Variants in RHOH observed in about 807,000 individuals in gnomAD.
The protein encoded by RHOH is rho-related GTP-binding protein RhoH.
RHOH carries 6 observed loss-of-function variants against 13.8 expected under a neutral mutation model. The ratio of observed to expected loss-of-function variants is 0.44; its 90% CI spans 0.24 to 0.86. The LOEUF is 0.86. Ranked by LOEUF, RHOH falls within the 40% of genes least tolerant of loss-of-function variation. The pLI is 0.24. For missense variants in RHOH, 147 were observed against 244.5 expected (o/e 0.60, Z 2.66); for synonymous variants, 117 against 103.0 (o/e 1.14, Z -0.82).
At chr4:40,208,486 C>G (rs1724897059) in intron 1 of RHOH, among the ~76,000 whole-genome samples, 1 of 152,052 alleles carries the variant, frequency 6.6e-6, no homozygotes, top group South Asian at 2.1e-4. Context: ...AAATATTGGC[C>G]AAAGTACAAT....
chr4:40,196,991 A>T (rs1448376271), upstream of RHOH: 1 of 151,684 alleles, frequency 6.6e-6, no homozygotes, highest in Admixed American at 6.6e-5. Context: ...AGCCGGCTAC[A>T]GGAAATTGAC....
Position 40,244,338 on chromosome 4 carries a change from C to T in RHOH, c.*376C>T, listed in dbSNP as rs776722623. ...TGCTTTTGTATATATTTAGTTTTCA[C>T]ACTTGGAAAATCTTTTCCTACATCC... On this transcript the variant is annotated 3_prime_UTR_variant, in exon 3 of 3. Coordinates refer to ENST00000381799, the MANE Select transcript of RHOH (RefSeq NM_004310.5). 12 of 243,708 alleles carry T rather than the reference C, an allele frequency of 4.9e-5. No homozygotes were observed. The highest frequency in any genetic ancestry group is 9.5e-5 in the Non-Finnish European group (11 of 116,066). The allele number at this position is 243,708 out of a possible 1,614,324, so 15.1% of individuals were successfully genotyped here.
Position 40,242,945 on chromosome 4 carries a change from T to TTGTG in RHOH, c.-210+159_-210+162dup, listed in dbSNP as rs58807335. ...CTTCTGCTTCTTGACCGGGAGGCATTTGTGTGTGTGTGTGTGTGTGTGTGT... is the reference window on the plus strand; with the variant it reads ...CTTCTGCTTCTTGACCGGGAGGCATTTGTGTGTGTGTGTGTGTGTGTGTGTGTGT... On this transcript the variant is annotated intron_variant, in intron 2 of 2. Transcript: ENST00000381799. 618 of 143,686 alleles carry TTGTG rather than the reference T, an allele frequency of 4.3e-3. 1 individual carries two copies. Among genetic ancestry groups the TTGTG allele is most frequent in the Middle Eastern group, 6.5e-3 (2 of 310 alleles). The allele number at this position is 143,686 out of a possible 1,614,324, so 8.9% of individuals were successfully genotyped here. A position where few individuals can be genotyped will look rare whatever the true frequency, so the allele number is the denominator to read the frequency against.
intron 1 of RHOH, among the ~76,000 whole-genome samples, chr4:40,209,989 C>CT (rs2109396003): frequency 6.6e-6 from 1 of 152,204 alleles, no homozygotes; most frequent in East Asian, 1.9e-4. Flanking sequence ...TATCATATAA[C>CT]TCTTTGAAAA....
At chr4:40,202,665 G>A (rs555720310) in intron 1 of RHOH, among the ~76,000 whole-genome samples, 1 of 152,276 alleles carries the variant, frequency 6.6e-6, no homozygotes, top group African/African-American at 2.4e-5. Flanking sequence ...GGATGCTAAA[G>A]GGGTTTCTTT....
upstream of RHOH, among the ~76,000 whole-genome samples, chr4:40,191,778 C>T (rs1360071452): frequency 6.6e-6 from 1 of 151,988 alleles, no homozygotes; most frequent in African/African-American, 2.4e-5. Context: ...ACCGAATATT[C>T]ACTGAAACAA....
chr4:40,241,784 G>A (rs1729278590), intron 1 of RHOH, among the ~76,000 whole-genome samples: 1 of 152,172 alleles, frequency 6.6e-6, no homozygotes, highest in African/African-American at 2.4e-5. Flanking sequence ...CAGCTACTCG[G>A]GAGGCTGAGG....
upstream of RHOH, among the ~76,000 whole-genome samples, chr4:40,193,481 A>AGAGAGAGAGACT (rs1340468233): frequency 4.3e-5 from 3 of 69,886 alleles, no homozygotes; most frequent in East Asian, 9.1e-4. Flanking sequence ...AATGAGAGCG[A>AGAGAGAGAGACT]GAGAGAGAGA....
In RHOH at chr4:40,226,563, C is replaced by A. The variant is rs190190699; in HGVS notation, c.-330-16151C>A. On this transcript the variant is annotated intron_variant, in intron 1 of 2. Coordinates refer to ENST00000381799, the MANE Select transcript of RHOH (RefSeq NM_004310.5). ...AAAAAAAAGAAAAAGAAAAAAATAT[C>A]TAACCGTGACTGTCAACTCCACAAC... Among the ~76,000 whole-genome samples, 436 of 151,374 alleles carry A rather than the reference C, an allele frequency of 2.9e-3. 2 individuals are homozygous for A. The highest frequency in any genetic ancestry group is 5.9e-3 in the Admixed American group (90 of 15,184).
At chr4:40,241,225 AG>A (rs1729210909) in intron 1 of RHOH, among the ~76,000 whole-genome samples, 1 of 152,160 alleles carries the variant, frequency 6.6e-6, no homozygotes, top group Non-Finnish European at 1.5e-5. Context: ...GTGAGTCTGG[AG>A]AAAGAGTCCA....
In RHOH at chr4:40,214,318, C is replaced by G. The variant is rs556167192; in HGVS notation, c.-331+17018C>G. 2.6e-5 allele frequency among the ~76,000 whole-genome samples: 4 copies of G among 152,332 alleles called. No homozygotes were observed. The South Asian group carries it at 6.2e-4, about 24-fold the overall frequency. On this transcript the variant is annotated intron_variant, in intron 1 of 2. Coordinates refer to ENST00000381799, the MANE Select transcript of RHOH (RefSeq NM_004310.5). ...GTAGATGGTGTTTGGGGATTACCCTCTGGTACATTTCAATTCACTTTGGGG... is the reference window on the plus strand; with the variant it reads ...GTAGATGGTGTTTGGGGATTACCCTGTGGTACATTTCAATTCACTTTGGGG...
At chr4:40,229,626 C>T (rs537342859) in intron 1 of RHOH, among the ~76,000 whole-genome samples, 5 of 143,390 alleles carry the variant, frequency 3.5e-5, no homozygotes, top group South Asian at 4.4e-4. Flanking sequence ...AAGAGTGAAA[C>T]GCCATCTCAA....
chr4:40,214,196 G>A (rs376846750), intron 1 of RHOH, among the ~76,000 whole-genome samples: 6 of 152,220 alleles, frequency 3.9e-5, no homozygotes, highest in African/African-American at 1.4e-4. Context: ...TGGGGAAGGC[G>A]GGGCGGAAGG....
At chr4:40,227,847 T>G (rs1727436769) in intron 1 of RHOH, among the ~76,000 whole-genome samples, 1 of 152,134 alleles carries the variant, frequency 6.6e-6, no homozygotes, top group Admixed American at 6.6e-5. Flanking sequence ...CAGTTGTAAA[T>G]GAAATGCAAA....
chr4:40,202,464 C>T (rs556763392), intron 1 of RHOH, among the ~76,000 whole-genome samples: 4 of 152,216 alleles, frequency 2.6e-5, no homozygotes, highest in South Asian at 2.1e-4. Flanking sequence ...TTATTGTAGT[C>T]GTGGTGTGTG....
chr4:40,220,570 GA>G (rs139287785), intron 1 of RHOH, among the ~76,000 whole-genome samples: 2 of 150,004 alleles, frequency 1.3e-5, no homozygotes, highest in Non-Finnish European at 3.0e-5. Context: ...CTTCTATAGA[GA>G]AAAAAAAGTG....
intron 1 of RHOH, among the ~76,000 whole-genome samples, chr4:40,198,530 G>A (rs1277643428): frequency 6.6e-6 from 1 of 152,230 alleles, no homozygotes; most frequent in Non-Finnish European, 1.5e-5. Context: ...TTCCATGTGA[G>A]AGGGAGCTTG....
At position 40,246,229 on chromosome 4, in the gene RHOH, A is replaced by G. The variant is rs1357827955; in HGVS notation, c.*2267A>G. On this transcript the variant is annotated 3_prime_UTR_variant, in exon 3 of 3. Transcript: ENST00000381799. ...TGTCAGTGGGAAGGAATTTCTATTCACTGCAGTGGGCTGTCCCCCAGGCTT... is the reference window on the plus strand; with the variant it reads ...TGTCAGTGGGAAGGAATTTCTATTCGCTGCAGTGGGCTGTCCCCCAGGCTT... 1.3e-5 allele frequency: 2 copies of G among 152,228 alleles called. No individual in the cohort carries two copies. 9.4% of individuals were successfully genotyped at this position (152,228 alleles called of 1,614,324 possible).
At chr4:40,214,976 T>C (rs933484381) in intron 1 of RHOH, among the ~76,000 whole-genome samples, 37 of 152,076 alleles carry the variant, frequency 2.4e-4, no homozygotes, top group Admixed American at 3.9e-4. Flanking sequence ...GGTCAGCAAA[T>C]GAATTGGCAT....
Sources: allele counts gnomAD v4.1 joint callset (sites outside exome capture counted in the v4.1 genomes callset), GRCh38; gene constraint gnomAD v4.1.1; transcripts MANE v1.5; gene names NCBI Gene and HGNC (gene_info 2026-07-23, HGNC 2026-07-21).